CSMD1: variants seen among roughly 807,000 people sequenced by gnomAD.
CSMD1 encodes the protein CUB and Sushi multiple domains 1.
A neutral mutation model predicts 417.5 loss-of-function variants in CSMD1; 213 were observed. The ratio of observed to expected loss-of-function variants is 0.51; its 90% CI spans 0.46 to 0.57. The LOEUF is 0.57. Ranked by LOEUF, CSMD1 falls within the 20% of genes least tolerant of loss-of-function variation. The pLI, the probability that CSMD1 is intolerant of heterozygous loss-of-function variation, is 0.00. For missense variants in CSMD1, 6,923 were observed against 4,529.7 expected (o/e 1.53, Z -15.17); for synonymous variants, 2,862 against 1,736.8 (o/e 1.65, Z -16.11).
At chr8:4,229,545 T>C (rs750658496) in intron 3 of CSMD1, among the ~76,000 whole-genome samples, 129 of 152,196 alleles carry the variant, frequency 8.5e-4, no homozygotes, top group Non-Finnish European at 1.5e-3. Flanking sequence ...TTCTCACACT[T>C]ACCCAGCATT....
At chr8:3,351,689 G>T (rs1808435069) in intron 21 of CSMD1, among the ~76,000 whole-genome samples, 1 of 148,446 alleles carries the variant, frequency 6.7e-6, no homozygotes, top group South Asian at 2.1e-4. Flanking sequence ...TACATTAAAT[G>T]ATATACGAAT....
chr8:3,950,674 C>T (rs1171701696), intron 5 of CSMD1, among the ~76,000 whole-genome samples: 1 of 152,202 alleles, frequency 6.6e-6, no homozygotes, highest in East Asian at 1.9e-4. Flanking sequence ...GTTTCTCCTG[C>T]CACTTTAATA....
intron 3 of CSMD1, among the ~76,000 whole-genome samples, chr8:4,367,963 G>T (rs537647710): frequency 1.3e-5 from 2 of 152,176 alleles, no homozygotes; most frequent in African/African-American, 4.8e-5. Context: ...AGGCTTTATG[G>T]GGTGTTCTAG....
chr8:3,879,986 G>T (rs1806105208), intron 5 of CSMD1, among the ~76,000 whole-genome samples: 1 of 152,014 alleles, frequency 6.6e-6, no homozygotes, highest in African/African-American at 2.4e-5. Flanking sequence ...AGATGGACTG[G>T]TAATTTTGAT....
intron 1 of CSMD1, among the ~76,000 whole-genome samples, chr8:4,941,843 T>A (rs181867485): frequency 1.4e-4 from 22 of 152,220 alleles, no homozygotes; most frequent in Admixed American, 5.2e-4. Context: ...AAAGCAATCC[T>A]CCCACCTCAG....
intron 3 of CSMD1, among the ~76,000 whole-genome samples, chr8:4,209,235 G>T (rs1256796173): frequency 6.6e-6 from 1 of 152,220 alleles, no homozygotes; most frequent in South Asian, 2.1e-4. Context: ...CACTTGCCCA[G>T]ATTTCTAAAC....
chr8:4,279,845 GCTCA>G lies in CSMD1; in HGVS notation c.415+140104_415+140107del, dbSNP rs566566998. On this transcript the variant is annotated intron_variant, in intron 3 of 69. Coordinates refer to ENST00000635120, the MANE Select transcript of CSMD1 (RefSeq NM_033225.6). Reference sequence around the variant, plus strand: ...AAAGACTGAGTGCTTGCCTGCAGCAGCTCACTGTCAGTAAAAATGAATCTGAAGC... The same window carrying G: ...AAAGACTGAGTGCTTGCCTGCAGCAGCTGTCAGTAAAAATGAATCTGAAGC... Among the ~76,000 whole-genome samples, 723 of 152,262 alleles carry G rather than the reference GCTCA, an allele frequency of 4.7e-3. 4 individuals carry two copies. The highest frequency in any genetic ancestry group is 8.3e-3 in the Non-Finnish European group (568 of 68,030).
At chr8:3,529,566 T>C (rs1156729183) in intron 10 of CSMD1, among the ~76,000 whole-genome samples, 3 of 152,304 alleles carry the variant, frequency 2.0e-5, no homozygotes, top group African/African-American at 7.2e-5. Context: ...GACCACACAA[T>C]GGAAGAGTAG....
At chr8:4,141,545 G>C (rs998099451) in intron 3 of CSMD1, among the ~76,000 whole-genome samples, 1 of 151,004 alleles carries the variant, frequency 6.6e-6, no homozygotes, top group East Asian at 1.9e-4. Flanking sequence ...CAAACAAAGG[G>C]GTTAAGAAGC....
intron 1 of CSMD1, among the ~76,000 whole-genome samples, chr8:4,832,016 G>C (rs142909200): frequency 5.3e-5 from 8 of 152,306 alleles, no homozygotes; most frequent in African/African-American, 1.7e-4. Flanking sequence ...TTCAAAAGGA[G>C]CTTCCTCCAA....
intron 5 of CSMD1, among the ~76,000 whole-genome samples, chr8:3,897,580 A>G (rs1030063553): frequency 9.2e-5 from 14 of 152,210 alleles, no homozygotes; most frequent in African/African-American, 1.4e-4. Context: ...CAGTAAAAAA[A>G]AAAAGGCTAT....
intron 1 of CSMD1, among the ~76,000 whole-genome samples, chr8:4,869,661 A>G (rs1802620289): frequency 6.6e-6 from 1 of 152,088 alleles, no homozygotes; most frequent in Non-Finnish European, 1.5e-5. Flanking sequence ...CAGATTTTTA[A>G]AAAACATTAG....
At chr8:3,428,200 G>C (rs935459916) in intron 12 of CSMD1, among the ~76,000 whole-genome samples, 1 of 152,240 alleles carries the variant, frequency 6.6e-6, no homozygotes, top group East Asian at 1.9e-4. Flanking sequence ...TGATATGTGA[G>C]CTACGTAGAA....
intron 3 of CSMD1, among the ~76,000 whole-genome samples, chr8:4,310,641 C>A (rs1324613533): frequency 6.6e-6 from 1 of 152,212 alleles, no homozygotes; most frequent in East Asian, 1.9e-4. Context: ...GAGTCAGACA[C>A]ATTTGACCGA....
At chr8:3,313,359 C>G (rs905002442) in intron 23 of CSMD1, among the ~76,000 whole-genome samples, 1 of 152,040 alleles carries the variant, frequency 6.6e-6, no homozygotes, top group East Asian at 1.9e-4. Flanking sequence ...AAAATTTTTG[C>G]AATCTACTCA....
chr8:4,730,732 C>G (rs1292639989), intron 1 of CSMD1, among the ~76,000 whole-genome samples: 1 of 150,014 alleles, frequency 6.7e-6, no homozygotes, highest in Non-Finnish European at 1.5e-5. Context: ...CAGAGCGAGA[C>G]TCCATTTCAA....
intron 4 of CSMD1, among the ~76,000 whole-genome samples, chr8:4,024,777 G>A (rs556808377): frequency 5.9e-5 from 9 of 152,308 alleles, no homozygotes; most frequent in South Asian, 4.1e-4. Context: ...ATAAACATAC[G>A]TAGTTTATGA....
At chr8:4,197,373 C>G (rs1035073017) in intron 3 of CSMD1, among the ~76,000 whole-genome samples, 1 of 152,116 alleles carries the variant, frequency 6.6e-6, no homozygotes, top group Non-Finnish European at 1.5e-5. Flanking sequence ...GTGGGTGTGT[C>G]TGTGGTGGTG....
At chr8:4,431,483 A>G (rs953748895) in intron 2 of CSMD1, among the ~76,000 whole-genome samples, 1 of 152,146 alleles carries the variant, frequency 6.6e-6, no homozygotes, top group Non-Finnish European at 1.5e-5. Context: ...AGAAGAAAGT[A>G]GAGAGACCAA....
Sources: allele counts gnomAD v4.1 joint callset (sites outside exome capture counted in the v4.1 genomes callset), GRCh38; gene constraint gnomAD v4.1.1; transcripts MANE v1.5; gene names NCBI Gene and HGNC (gene_info 2026-07-23, HGNC 2026-07-21).